The following PNPT1 variants were observed in gnomAD, a reference collection of about 807,000 sequenced individuals.
PNPT1 encodes polyribonucleotide nucleotidyltransferase 1, mitochondrial.
A neutral mutation model predicts 119.5 loss-of-function variants in PNPT1; 53 were observed. That is an observed-to-expected ratio of 0.44 (90% CI 0.36 to 0.56). The LOEUF (loss-of-function observed/expected upper bound fraction) is 0.56, where lower values mean the gene tolerates loss of function less well. PNPT1 is among the 20% of genes least tolerant of loss of function. PNPT1 has a pLI of 0.00. For synonymous variants in PNPT1, 357 were observed against 322.1 expected (o/e 1.11, Z -1.16); for missense variants, 948 against 938.5 (o/e 1.01, Z -0.13).
rs1196850160 is a variant in PNPT1 at position 55,644,736 on chromosome 2, G to C, written c.1823-16C>G. 1 of 1,568,522 alleles carries C rather than the reference G, an allele frequency of 6.4e-7. No homozygotes were observed. Among genetic ancestry groups the C allele is most frequent in the South Asian group, 1.1e-5 (1 of 88,720 alleles). On this transcript the variant is annotated splice_polypyrimidine_tract_variant and intron_variant, in intron 22 of 27. Transcript: ENST00000447944. The stretch of plus-strand genomic sequence containing the variant: ...TGAACAGTTTCTGGAACGTAATACA[G>C]ACAAATATATAAACAATTCAACTAC...
At chr2:55,672,074 A>C in intron 9 of PNPT1, 28 bp from the exon 10 acceptor site, 1 of 1,534,074 alleles carries the variant, frequency 6.5e-7, no homozygotes, top group Non-Finnish European at 8.9e-7. Flanking sequence ...AAATGTTAGC[A>C]TAATAATATC....
intron 18 of PNPT1, among the ~76,000 whole-genome samples, chr2:55,653,353 G>A (rs1696272515): frequency 6.6e-6 from 1 of 152,210 alleles, no homozygotes; most frequent in Non-Finnish European, 1.5e-5. Flanking sequence ...TAATCCTGAA[G>A]TTCTCATTAT....
chr2:55,681,492 T>G (rs1035295545), intron 5 of PNPT1, among the ~76,000 whole-genome samples: 17 of 152,084 alleles, frequency 1.1e-4, no homozygotes, highest in African/African-American at 3.9e-4. Context: ...GTAAAGCACT[T>G]ATCACAGTCC....
rs761300953 is a variant in PNPT1, at chr2:55,636,396, T to C, written c.2197-4A>G. The C allele has an allele frequency of 6.2e-7, 1 of 1,613,266 alleles. No individual in the cohort carries two copies. Among genetic ancestry groups the C allele is most frequent in the South Asian group, 1.1e-5 (1 of 90,878 alleles). On this transcript the variant is annotated splice_region_variant and splice_polypyrimidine_tract_variant and intron_variant, in intron 27 of 27. Transcript: ENST00000447944. ...GGTCACGTCCAAAGTATTTCACCTG[T>C]GTTAAAGAAACAGATCTTCCTTTAA...
intron 19 of PNPT1, among the ~76,000 whole-genome samples, chr2:55,646,879 C>A (rs867062481): frequency 6.6e-6 from 1 of 152,092 alleles, no homozygotes; most frequent in Non-Finnish European, 1.5e-5. Flanking sequence ...TGCTCTGTTG[C>A]CCAGGATGGA....
intron 11 of PNPT1, among the ~76,000 whole-genome samples, chr2:55,669,654 T>G (rs922141692): frequency 1.3e-5 from 2 of 152,180 alleles, no homozygotes; most frequent in Non-Finnish European, 2.9e-5. Flanking sequence ...AAGACAATAT[T>G]CGCTATAAAA....
At chr2:55,677,131 C>T (rs1351653439) in intron 8 of PNPT1, among the ~76,000 whole-genome samples, 1 of 152,082 alleles carries the variant, frequency 6.6e-6, no homozygotes, top group Non-Finnish European at 1.5e-5. Context: ...AAAAACCATC[C>T]CCTTACAGGT....
intron 18 of PNPT1, among the ~76,000 whole-genome samples, chr2:55,651,768 C>T (rs1182091425): frequency 9.9e-6 from 1 of 101,278 alleles, no homozygotes; most frequent in Non-Finnish European, 2.0e-5. Flanking sequence ...CAAGAATGAT[C>T]AATTTAAAAA....
chr2:55,636,197 A>G lies in PNPT1; in HGVS notation c.*40T>C, dbSNP rs758043468. ...ATGTTGCTCTACAGCACATCACCCT[A>G]GACAAAATAGAATTCTAGAATTCTC... On this transcript the variant is annotated 3_prime_UTR_variant, in exon 28 of 28. Transcript: ENST00000447944. 1.5e-5 allele frequency: 23 copies of G among 1,526,674 alleles called. 1 individual carries two copies. The Admixed American group carries it at 3.7e-4, about 25-fold the overall frequency. 94.6% of individuals were successfully genotyped at this position (1,526,674 alleles called of 1,614,324 possible).
At chr2:55,654,793 C>T in intron 18 of PNPT1, 107 bp downstream of exon 18, 1 of 1,021,442 alleles carries the variant, frequency 9.8e-7, no homozygotes, top group Non-Finnish European at 1.5e-6. Context: ...CCAGGCTGGT[C>T]TTGAACTCCC....
At position 55,680,935 on chromosome 2, in the gene PNPT1, A is replaced by G; in HGVS notation, c.454-17T>C. The G allele has an allele frequency of 6.2e-7, 1 of 1,608,866 alleles. No individual in the cohort carries two copies. The highest frequency in any genetic ancestry group is 1.1e-5 in the South Asian group (1 of 90,156). On this transcript the variant is annotated splice_polypyrimidine_tract_variant and intron_variant, in intron 5 of 27. Transcript: ENST00000447944. ...ACACAGAACCTGGTAAAAGGGAAAA[A>G]ATTTGATTTGGAAGGGTTATCATTT...
chr2:55,637,535 A>C lies in PNPT1; in HGVS notation c.2196+17T>G. 1 of 1,583,788 alleles carries C rather than the reference A, an allele frequency of 6.3e-7. No individual in the cohort carries two copies. ...AACAATTTACAACTTCAAGGCTAAAAGGTGGAATACAAATACCTGAATTTC... is the reference window on the plus strand; with the variant it reads ...AACAATTTACAACTTCAAGGCTAAACGGTGGAATACAAATACCTGAATTTC... On this transcript the variant is annotated intron_variant, in intron 27 of 27. Transcript: ENST00000447944.
intron 15 of PNPT1, among the ~76,000 whole-genome samples, chr2:55,658,999 G>C (rs957716819): frequency 6.6e-6 from 1 of 152,142 alleles, no homozygotes; most frequent in African/African-American, 2.4e-5. Flanking sequence ...CTGTTGCCCA[G>C]GCTGAAGTGC....
At chr2:55,676,620 G>T (rs542921620) in intron 8 of PNPT1, among the ~76,000 whole-genome samples, 1 of 152,098 alleles carries the variant, frequency 6.6e-6, no homozygotes, top group Non-Finnish European at 1.5e-5. Context: ...CCGGCACTTC[G>T]GGAGGCTGAG....
chr2:55,644,139 T>C (rs1258756575), intron 23 of PNPT1, among the ~76,000 whole-genome samples: 1 of 152,164 alleles, frequency 6.6e-6, no homozygotes, highest in Non-Finnish European at 1.5e-5. Flanking sequence ...CAAAATCACA[T>C]CAGTTTCTCA....
rs55633466 is a variant in PNPT1 at position 55,661,377 on chromosome 2, G to A, written c.1247+579C>T. 1.6e-3 allele frequency among the ~76,000 whole-genome samples: 246 copies of A among 152,100 alleles called. 2 individuals carry two copies. In the Middle Eastern group the frequency reaches 0.024, roughly 15 times the overall value. Reference sequence around the variant, plus strand: ...AGTGCTGGGATTACAGGCCAGGCGTGAGCCACCACGCCCGGCCTGCAATAA... The same window carrying A: ...AGTGCTGGGATTACAGGCCAGGCGTAAGCCACCACGCCCGGCCTGCAATAA... On this transcript the variant is annotated intron_variant, in intron 14 of 27. Coordinates refer to ENST00000447944, the MANE Select transcript of PNPT1 (RefSeq NM_033109.5).
At chr2:55,684,124 A>G (rs1697326552) in intron 4 of PNPT1, among the ~76,000 whole-genome samples, 1 of 152,232 alleles carries the variant, frequency 6.6e-6, no homozygotes. Flanking sequence ...AAAGAGACTT[A>G]AGACCAATAG....
intron 14 of PNPT1, among the ~76,000 whole-genome samples, chr2:55,661,187 G>A (rs1489018240): frequency 6.6e-6 from 1 of 150,576 alleles, no homozygotes; most frequent in East Asian, 2.0e-4. Context: ...CCACCTCCTG[G>A]GTTCACGCCA....
intron 15 of PNPT1, among the ~76,000 whole-genome samples, chr2:55,657,767 T>C (rs1280088920): frequency 2.7e-5 from 4 of 146,318 alleles, no homozygotes; most frequent in Non-Finnish European, 4.5e-5. Context: ...GAGGAACATG[T>C]TGAATTGCAC....
Sources: allele counts gnomAD v4.1 joint callset (sites outside exome capture counted in the v4.1 genomes callset), GRCh38; gene constraint gnomAD v4.1.1; transcripts MANE v1.5; gene names NCBI Gene and HGNC (gene_info 2026-07-23, HGNC 2026-07-21).